The following PAWR variants were observed in gnomAD, a reference collection of about 807,000 sequenced individuals.
The protein encoded by PAWR is pro-apoptotic WT1 regulator, also known as PRKC apoptosis WT1 regulator protein.
A neutral mutation model predicts 32.0 loss-of-function variants in PAWR; 23 were observed. The observed-to-expected ratio is 0.72, with a 90% confidence interval of 0.52 to 1.02. The LOEUF (loss-of-function observed/expected upper bound fraction) is 1.02, where lower values mean the gene tolerates loss of function less well. PAWR is among the 50% of genes least tolerant of loss of function. The pLI, the probability that PAWR is intolerant of heterozygous loss-of-function variation, is 0.00. For missense variants in PAWR, 457 were observed against 437.7 expected (o/e 1.04, Z -0.39); for synonymous variants, 226 against 187.1 (o/e 1.21, Z -1.70).
intron 2 of PAWR, among the ~76,000 whole-genome samples, chr12:79,649,028 T>C (rs1357422146): frequency 6.6e-6 from 1 of 152,136 alleles, no homozygotes; most frequent in Non-Finnish European, 1.5e-5. Context: ...AAAAGGAATG[T>C]TTTCACAGAC....
At chr12:79,648,770 C>G (rs982726626) in intron 2 of PAWR, among the ~76,000 whole-genome samples, 4 of 145,990 alleles carry the variant, frequency 2.7e-5, no homozygotes, top group African/African-American at 1.1e-4. Flanking sequence ...TCCTGGGCAA[C>G]AGGATGGCTC....
At chr12:79,672,191 T>A (rs1286742096) in intron 2 of PAWR, among the ~76,000 whole-genome samples, 2 of 152,210 alleles carry the variant, frequency 1.3e-5, no homozygotes, top group East Asian at 3.9e-4. Context: ...ACAGAGCCCA[T>A]TCTTTACCTA....
At chr12:79,666,459 T>C (rs898511698) in intron 2 of PAWR, among the ~76,000 whole-genome samples, 1 of 152,192 alleles carries the variant, frequency 6.6e-6, no homozygotes, top group Non-Finnish European at 1.5e-5. Flanking sequence ...CCCAAGACCA[T>C]TTCAGAGGAT....
intron 2 of PAWR, among the ~76,000 whole-genome samples, chr12:79,677,899 AG>A (rs1253112412): frequency 6.6e-6 from 1 of 152,210 alleles, no homozygotes; most frequent in Non-Finnish European, 1.5e-5. Context: ...GATAACGTTA[AG>A]CTATAAACTT....
chr12:79,596,794 A>G (rs1056425504), intron 4 of PAWR, 136 bp from the exon 5 acceptor site: 3 of 544,568 alleles, frequency 5.5e-6, no homozygotes, highest in Non-Finnish European at 9.5e-6. Context: ...TTGTAACTGT[A>G]GAAGTTAATC....
chr12:79,610,166 A>G (rs535451044), intron 4 of PAWR, among the ~76,000 whole-genome samples: 2 of 152,344 alleles, frequency 1.3e-5, no homozygotes, highest in South Asian at 4.1e-4. Flanking sequence ...TTTCTGCTTC[A>G]GAAGCAAAGC....
At chr12:79,610,361 C>T (rs1379601275) in intron 4 of PAWR, among the ~76,000 whole-genome samples, 1 of 152,018 alleles carries the variant, frequency 6.6e-6, no homozygotes, top group Non-Finnish European at 1.5e-5. Context: ...CCTAATGTAC[C>T]AATTAGGACC....
chr12:79,638,938 A>G (rs1876145064), intron 2 of PAWR, among the ~76,000 whole-genome samples: 2 of 61,060 alleles, frequency 3.3e-5, no homozygotes, highest in African/African-American at 1.1e-4. Flanking sequence ...TTTGAGATGG[A>G]GTCTTACTCT....
At chr12:79,617,976 C>T (rs1394254065) in intron 3 of PAWR, among the ~76,000 whole-genome samples, 1 of 152,154 alleles carries the variant, frequency 6.6e-6, no homozygotes, top group Non-Finnish European at 1.5e-5. Flanking sequence ...TCATAAGAAG[C>T]TGAGCACATG....
chr12:79,677,967 C>A (rs1878251153), intron 2 of PAWR, among the ~76,000 whole-genome samples: 1 of 152,164 alleles, frequency 6.6e-6, no homozygotes, highest in African/African-American at 2.4e-5. Context: ...GAGTTCCCCA[C>A]CTCCACTCCA....
At chr12:79,620,976 G>A (rs1874976275) in intron 3 of PAWR, 100 bp downstream of exon 3, 2 of 820,644 alleles carry the variant, frequency 2.4e-6, no homozygotes, top group East Asian at 2.6e-5. Flanking sequence ...AGGAGGAAAG[G>A]AGGCAATGGG....
intron 2 of PAWR, among the ~76,000 whole-genome samples, chr12:79,631,070 T>C (rs910291480): frequency 4.6e-5 from 7 of 152,010 alleles, no homozygotes; most frequent in African/African-American, 1.7e-4. Flanking sequence ...AAATATATAA[T>C]CACCAATACA....
intron 4 of PAWR, chr12:79,604,743 T>C (rs1352575774): frequency 8.0e-7 from 1 of 1,248,450 alleles, no homozygotes; most frequent in Admixed American, 2.4e-5. Context: ...AACATACACA[T>C]AAGCACATAC....
intron 2 of PAWR, among the ~76,000 whole-genome samples, chr12:79,648,862 C>G (rs1488005696): frequency 2.0e-5 from 3 of 151,846 alleles, no homozygotes; most frequent in Non-Finnish European, 4.4e-5. Context: ...CAGAAATCCT[C>G]CTACACTTGG....
At chr12:79,597,169 C>T (rs919325216) in intron 4 of PAWR, 1 of 152,272 alleles carries the variant, frequency 6.6e-6, no homozygotes, top group Admixed American at 6.6e-5. Context: ...AGAGATCCTC[C>T]CACCTCAGCT....
chr12:79,671,373 A>C (rs1388675299), intron 2 of PAWR, among the ~76,000 whole-genome samples: 1 of 152,226 alleles, frequency 6.6e-6, no homozygotes, highest in African/African-American at 2.4e-5. Context: ...GAAAGGTTTT[A>C]ATCAATATTC....
At chr12:79,597,357 C>T (rs1183814105) in intron 4 of PAWR, among the ~76,000 whole-genome samples, 1 of 152,140 alleles carries the variant, frequency 6.6e-6, no homozygotes, top group East Asian at 1.9e-4. Context: ...GAGCATTGTG[C>T]CTGGCCTAGA....
intron 3 of PAWR, among the ~76,000 whole-genome samples, chr12:79,616,548 A>C (rs1201928299): frequency 6.6e-6 from 1 of 152,200 alleles, no homozygotes; most frequent in Non-Finnish European, 1.5e-5. Context: ...CAGAAATGTA[A>C]AATGGAGGGC....
chr12:79,617,554 T>TA (rs1202545538), intron 3 of PAWR, among the ~76,000 whole-genome samples: 9 of 149,610 alleles, frequency 6.0e-5, no homozygotes, highest in Non-Finnish European at 1.0e-4. Context: ...AATGTTAGGT[T>TA]AAAAAAAAAT....
Sources: allele counts gnomAD v4.1 joint callset (sites outside exome capture counted in the v4.1 genomes callset), GRCh38; gene constraint gnomAD v4.1.1; transcripts MANE v1.5; gene names NCBI Gene and HGNC (gene_info 2026-07-23, HGNC 2026-07-21).